The following KIF16B variants were observed in gnomAD, a reference collection of about 807,000 sequenced individuals.
KIF16B encodes the protein kinesin-like protein KIF16B.
Under a neutral mutation model 156.3 loss-of-function variants are expected in KIF16B, and 98 were observed. The observed-to-expected ratio is 0.63, with a 90% CI of 0.53 to 0.74. KIF16B has a LOEUF of 0.74. KIF16B is among the 30% of genes least tolerant of loss of function. The pLI, the probability that KIF16B is intolerant of heterozygous loss-of-function variation, is 0.00. For missense variants in KIF16B, 1,421 were observed against 1,606.5 expected (o/e 0.88, Z 1.97); for synonymous variants, 564 against 583.7 (o/e 0.97, Z 0.49).
intron 1 of KIF16B, among the ~76,000 whole-genome samples, chr20:16,539,780 A>AT (rs1465370641): frequency 3.9e-5 from 6 of 152,234 alleles, no homozygotes; most frequent in African/African-American, 1.4e-4. Context: ...GTTAATTCAA[A>AT]TATCTTGAAG....
intron 25 of KIF16B, among the ~76,000 whole-genome samples, chr20:16,305,505 CA>C (rs1156407423): frequency 2.6e-5 from 4 of 152,192 alleles, no homozygotes; most frequent in African/African-American, 9.6e-5. Context: ...GAATATCCAT[CA>C]ACTCATTTTT....
At chr20:16,348,791 T>C (rs1308158708) in intron 23 of KIF16B, among the ~76,000 whole-genome samples, 1 of 152,200 alleles carries the variant, frequency 6.6e-6, no homozygotes, top group Non-Finnish European at 1.5e-5. Context: ...GTGCAAGCTG[T>C]GTTAAATACA....
intron 12 of KIF16B, among the ~76,000 whole-genome samples, chr20:16,436,546 A>C (rs2066645618): frequency 6.6e-6 from 1 of 152,172 alleles, no homozygotes. Context: ...TAGGAAAATC[A>C]ATTCTGTTCC....
intron 6 of KIF16B, among the ~76,000 whole-genome samples, chr20:16,508,305 C>T (rs985206677): frequency 5.9e-5 from 9 of 152,152 alleles, no homozygotes; most frequent in Non-Finnish European, 1.0e-4. Flanking sequence ...GCTTACTAGC[C>T]GTGGACTTAC....
rs115870370 is a variant in KIF16B, at chr20:16,432,288, C to T, written c.1303-2306G>A. Among the ~76,000 whole-genome samples, 884 of 152,184 alleles carry T rather than the reference C, an allele frequency of 5.8e-3. 7 individuals are homozygous for T. The highest frequency in any genetic ancestry group is 0.02 in the African/African-American group (822 of 41,522). On this transcript the variant is annotated intron_variant, in intron 12 of 25. Coordinates refer to ENST00000354981, the MANE Select transcript of KIF16B (RefSeq NM_024704.5). ...TGTACAAGAGCATGACATTGTGCTC[C>T]ATGACTGTACGAGCAACAGAAAACC... is the stretch of plus-strand genomic sequence containing the variant.
intron 23 of KIF16B, among the ~76,000 whole-genome samples, chr20:16,346,213 A>G (rs1157175131): frequency 2.0e-5 from 3 of 152,208 alleles, no homozygotes; most frequent in African/African-American, 7.2e-5. Flanking sequence ...CTGCAGGAAG[A>G]GCCTGGTTCT....
At chr20:16,330,344 A>T (rs966377650) in intron 24 of KIF16B, among the ~76,000 whole-genome samples, 4 of 152,190 alleles carry the variant, frequency 2.6e-5, no homozygotes, top group African/African-American at 9.7e-5. Flanking sequence ...GAACAGGGGG[A>T]TTAGAAGGCT....
chr20:16,545,976 A>T (rs1411853356), intron 1 of KIF16B, among the ~76,000 whole-genome samples: 1 of 152,218 alleles, frequency 6.6e-6, no homozygotes, highest in African/African-American at 2.4e-5. Context: ...GCTAAATGCC[A>T]TATACCAGCT....
At chr20:16,368,058 A>G in intron 22 of KIF16B, 2 of 1,367,522 alleles carry the variant, frequency 1.5e-6, no homozygotes, top group South Asian at 3.3e-5. Flanking sequence ...CTGTGCAGGC[A>G]GCAACAGCAA....
intron 23 of KIF16B, among the ~76,000 whole-genome samples, chr20:16,352,186 G>C (rs1474990752): frequency 6.6e-6 from 1 of 152,186 alleles, no homozygotes; most frequent in Non-Finnish European, 1.5e-5. Context: ...CCTGACCAGA[G>C]GGCTAGTTAC....
At position 16,452,905 on chromosome 20, in the gene KIF16B, TAGA is replaced by T. The variant is rs928747703; in HGVS notation, c.1303-22926_1303-22924del. Among the ~76,000 whole-genome samples the T allele has an allele frequency of 4.9e-5, 7 of 142,870 alleles. No individual in the cohort carries two copies. The East Asian group carries it at 6.3e-4, about 13-fold the overall frequency. The allele number at this position is 142,870 out of a possible 152,430, so 93.7% of individuals were successfully genotyped here. A position where few individuals can be genotyped will look rare whatever the true frequency, so the allele number is the denominator to read the frequency against. ...AGGATGAAAAACGAAGAAAAAAAAA[TAGA>T]AGAAGTGAAGAATTTCAAAACAGTA... On this transcript the variant is annotated intron_variant, in intron 12 of 25. Coordinates refer to ENST00000354981, the MANE Select transcript of KIF16B (RefSeq NM_024704.5).
rs1241330981 is a variant in KIF16B at position 16,442,157 on chromosome 20, G to A, written c.1303-12175C>T. Among the ~76,000 whole-genome samples the A allele has an allele frequency of 2.0e-5, 3 of 152,138 alleles. No homozygotes were observed. In the East Asian group the frequency reaches 5.8e-4, roughly 29 times the overall value. On this transcript the variant is annotated intron_variant, in intron 12 of 25. Transcript: ENST00000354981. ...GTTGGTGAAAGAATGCATATTTACA[G>A]TGATACAGAAGGAACAAGTTCAAGG...
intron 12 of KIF16B, among the ~76,000 whole-genome samples, chr20:16,458,047 AATCC>A (rs1485433251): frequency 6.6e-6 from 1 of 152,190 alleles, no homozygotes. Flanking sequence ...TCAATCAAGA[AATCC>A]ATTAAAGATT....
At chr20:16,450,905 TA>T (rs535454728) in intron 12 of KIF16B, among the ~76,000 whole-genome samples, 30 of 152,338 alleles carry the variant, frequency 2.0e-4, no homozygotes, top group African/African-American at 7.2e-4. Context: ...GTGAGCAGGT[TA>T]TAGTTTACTA....
chr20:16,290,456 C>T (rs1355602616), intron 25 of KIF16B, among the ~76,000 whole-genome samples: 1 of 152,190 alleles, frequency 6.6e-6, no homozygotes, highest in African/African-American at 2.4e-5. Flanking sequence ...TTCAGCTGGC[C>T]TTGGCGGGCT....
chr20:16,444,100 T>A (rs1004608345), intron 12 of KIF16B, among the ~76,000 whole-genome samples: 1 of 152,236 alleles, frequency 6.6e-6, no homozygotes, highest in Non-Finnish European at 1.5e-5. Context: ...AACAAACTCT[T>A]TCCTAAGCCA....
chr20:16,447,124 A>C (rs1284122315), intron 12 of KIF16B, among the ~76,000 whole-genome samples: 1 of 152,124 alleles, frequency 6.6e-6, no homozygotes, highest in East Asian at 1.9e-4. Context: ...AAAAGAGTTT[A>C]ATACATCTCT....
At chr20:16,407,488 C>T (rs2065815637) in intron 15 of KIF16B, among the ~76,000 whole-genome samples, 1 of 152,060 alleles carries the variant, frequency 6.6e-6, no homozygotes, top group African/African-American at 2.4e-5. Context: ...CGAGTGGAGC[C>T]TGGAGTAGCT....
chr20:16,330,575 C>G (rs2063930692), intron 24 of KIF16B, among the ~76,000 whole-genome samples: 1 of 152,210 alleles, frequency 6.6e-6, no homozygotes, highest in Non-Finnish European at 1.5e-5. Flanking sequence ...GAAGTAGTCA[C>G]AACAGCAATA....
Sources: allele counts gnomAD v4.1 joint callset (sites outside exome capture counted in the v4.1 genomes callset), GRCh38; gene constraint gnomAD v4.1.1; transcripts MANE v1.5; gene names NCBI Gene and HGNC (gene_info 2026-07-23, HGNC 2026-07-21).